Variants in WDR27 observed in about 807,000 individuals in gnomAD.
WDR27 encodes WD repeat-containing protein 27.
In WDR27, 100 loss-of-function variants were observed where a neutral mutation model predicts 114.4. The observed-to-expected ratio is 0.87, with a 90% CI of 0.74 to 1.03. WDR27 has a LOEUF of 1.03. WDR27 is among the 50% of genes least tolerant of loss of function. WDR27 has a pLI of 0.00. For missense variants in WDR27, 1,129 were observed against 1,092.9 expected, an observed-to-expected ratio of 1.03 and a Z score of -0.47; for synonymous variants, 449 against 423.1, an observed-to-expected ratio of 1.06 and a Z score of -0.75.
At chr6:169,495,075 A>G (rs1329386112) in intron 25 of WDR27, among the ~76,000 whole-genome samples, 1 of 152,224 alleles carries the variant, frequency 6.6e-6, no homozygotes, top group Non-Finnish European at 1.5e-5. Flanking sequence ...AAAACATTAG[A>G]AAATAAATAT....
chr6:169,651,771 C>T (rs114610008), intron 14 of WDR27, among the ~76,000 whole-genome samples, 159 bp downstream of exon 14: 2,309 of 152,340 alleles, frequency 0.015, 59 homozygotes, highest in African/African-American at 0.052. Flanking sequence ...AACTGGCATG[C>T]TGGGGTCCAA....
chr6:169,622,397 A>T (rs76080812), intron 21 of WDR27, among the ~76,000 whole-genome samples: 6,838 of 152,294 alleles, frequency 0.045, 442 homozygotes, highest in African/African-American at 0.14. Context: ...GTTCACACAC[A>T]CGCACATACA....
At chr6:169,486,872 C>G (rs1030052731) in intron 25 of WDR27, among the ~76,000 whole-genome samples, 3 of 152,214 alleles carry the variant, frequency 2.0e-5, no homozygotes, top group Non-Finnish European at 4.4e-5. Context: ...TGACAGCCAT[C>G]TTCCAAGTTT....
At chr6:169,645,341 T>C (rs147527606) in intron 16 of WDR27, among the ~76,000 whole-genome samples, 1 of 104,714 alleles carries the variant, frequency 9.5e-6, no homozygotes, top group African/African-American at 3.8e-5. Flanking sequence ...ACTGTAGAAA[T>C]TCCTAGTTCA....
chr6:169,524,130 A>G (rs769338373), intron 25 of WDR27, among the ~76,000 whole-genome samples: 91 of 152,186 alleles, frequency 6.0e-4, no homozygotes, highest in Non-Finnish European at 9.9e-4. Context: ...TAGTATTTAT[A>G]TACACCAACA....
the WDR27 span, among the ~76,000 whole-genome samples, chr6:169,435,209 T>C: frequency 1.3e-5 from 2 of 152,228 alleles, no homozygotes; most frequent in Non-Finnish European, 2.9e-5. Context: ...AGAGGATGTA[T>C]GGAAACACCT....
intron 6 of WDR27, chr6:169,666,507 A>G: frequency 2.0e-6 from 2 of 985,512 alleles, no homozygotes; most frequent in Non-Finnish European, 2.4e-6. Context: ...AATGCAGGAA[A>G]CCAGTGCCCT....
intron 25 of WDR27, among the ~76,000 whole-genome samples, chr6:169,509,846 C>A (rs1792558040): frequency 6.6e-6 from 1 of 152,178 alleles, no homozygotes; most frequent in Non-Finnish European, 1.5e-5. Context: ...AACAGGCAAC[C>A]TACAGAATGG....
At chr6:169,624,161 G>A (rs1296280945) in intron 21 of WDR27, among the ~76,000 whole-genome samples, 6 of 151,686 alleles carry the variant, frequency 4.0e-5, no homozygotes, top group Non-Finnish European at 8.8e-5. Flanking sequence ...GGCGTCAGGT[G>A]TGTGGCGTCA....
intron 17 of WDR27, among the ~76,000 whole-genome samples, chr6:169,643,336 A>G (rs562117725): frequency 6.6e-6 from 1 of 152,228 alleles, no homozygotes; most frequent in African/African-American, 2.4e-5. Flanking sequence ...AAAAATGTCT[A>G]TGTACAAACC....
intron 1 of WDR27, among the ~76,000 whole-genome samples, chr6:169,696,636 C>T (rs762224529): frequency 8.5e-5 from 13 of 152,190 alleles, no homozygotes; most frequent in South Asian, 8.3e-4. Flanking sequence ...AAGCAGACGC[C>T]GGGCACAGTG....
chr6:169,596,775 G>C (rs1806880355), intron 23 of WDR27, among the ~76,000 whole-genome samples: 1 of 152,066 alleles, frequency 6.6e-6, no homozygotes, highest in South Asian at 2.1e-4. Flanking sequence ...AGAGCTTGCA[G>C]AATATTTTAA....
At chr6:169,657,389 C>T (rs1014283262) in intron 13 of WDR27, among the ~76,000 whole-genome samples, 14 of 152,206 alleles carry the variant, frequency 9.2e-5, no homozygotes, top group Admixed American at 6.5e-4. Context: ...GACGGACTGA[C>T]GCAGGAACCC....
intron 2 of WDR27, among the ~76,000 whole-genome samples, chr6:169,672,876 T>C (rs1431497141): frequency 2.0e-5 from 3 of 152,184 alleles, no homozygotes; most frequent in African/African-American, 7.2e-5. Context: ...GGAATGTTGA[T>C]AGCACTCTAG....
At chr6:169,475,822 C>A (rs1249485439) in intron 25 of WDR27, among the ~76,000 whole-genome samples, 1 of 152,098 alleles carries the variant, frequency 6.6e-6, no homozygotes, top group Non-Finnish European at 1.5e-5. Context: ...TCTTTGAAAG[C>A]ATTTTTTTAA....
At chr6:169,534,417 C>A (rs1172494579) in intron 25 of WDR27, among the ~76,000 whole-genome samples, 3 of 152,140 alleles carry the variant, frequency 2.0e-5, no homozygotes, top group Non-Finnish European at 4.4e-5. Context: ...GTGATGTATT[C>A]TCTCCTCTTC....
Position 169,457,380 on chromosome 6 carries a change from G to A in WDR27, c.*212C>T, listed in dbSNP as rs1784407712. On this transcript the variant is annotated 3_prime_UTR_variant, in exon 26 of 26. Transcript: ENST00000448612. Reference sequence around the variant, plus strand: ...CGCCATTTCCATTTTCCCAATGAAGGGGATCCCTTTTGAGGAGCAGAAAGA... The same window carrying A: ...CGCCATTTCCATTTTCCCAATGAAGAGGATCCCTTTTGAGGAGCAGAAAGA... 1 of 428,388 alleles carries A rather than the reference G, an allele frequency of 2.3e-6. No individual in the cohort carries two copies. The highest frequency in any genetic ancestry group is 2.0e-5 in the African/African-American group (1 of 49,218). 26.5% of individuals were successfully genotyped at this position (428,388 alleles called of 1,614,324 possible).
chr6:169,650,747 TCCATCCCC>T (rs1437994191), intron 14 of WDR27, among the ~76,000 whole-genome samples: 2 of 146,666 alleles, frequency 1.4e-5, no homozygotes, highest in African/African-American at 5.1e-5. Context: ...CCTCCATCCC[TCCATCCCC>T]ACCATCTATC....
At chr6:169,530,072 C>T (rs771404141) in intron 25 of WDR27, among the ~76,000 whole-genome samples, 9 of 152,260 alleles carry the variant, frequency 5.9e-5, no homozygotes, top group Non-Finnish European at 8.8e-5. Flanking sequence ...GCGATGTGAC[C>T]GCAGTGTGCT....
Sources: gnomAD v4.1 joint callset for allele counts (sites outside exome capture counted in the v4.1 genomes callset) on GRCh38, gnomAD v4.1.1 for gene constraint, MANE v1.5 for transcripts, NCBI Gene and HGNC (gene_info 2026-07-23, HGNC 2026-07-21) for gene names.